The following CBARP variants were observed in gnomAD, a reference collection of about 807,000 sequenced individuals.
CBARP encodes CACN subunit beta associated regulatory protein, also known as voltage-dependent calcium channel beta subunit-associated regulatory protein.
Under a neutral mutation model 36.3 loss-of-function variants are expected in CBARP, and 24 were observed. That is an observed-to-expected ratio of 0.66 (90% CI 0.48 to 0.93). The LOEUF is 0.93. Among genes scored for constraint, CBARP ranks in the 40% least tolerant of loss-of-function variants. The pLI is 0.00. For synonymous variants in CBARP, 586 were observed against 453.2 expected (o/e 1.29, Z -3.72); for missense variants, 1,146 against 980.4 (o/e 1.17, Z -2.26).
chr19:1,230,196 G>T, intron 9 of CBARP, 54 bp from the exon 10 acceptor site: 1 of 995,034 alleles, frequency 1.0e-6, no homozygotes, highest in African/African-American at 1.7e-5. Context: ...CCCCCTACCC[G>T]GCCGGCCATC....
chr19:1,230,438 C>A, intron 9 of CBARP: 2 of 991,730 alleles, frequency 2.0e-6, no homozygotes, highest in Non-Finnish European at 2.4e-6. Context: ...CTCCGGGAGT[C>A]ACGTTTTCCC....
chr19:1,233,694 G>GC, intron 7 of CBARP, 58 bp from the exon 8 acceptor site: 4 of 1,484,878 alleles, frequency 2.7e-6, no homozygotes, highest in Middle Eastern at 4.9e-4. Flanking sequence ...CCGTGTGCTG[G>GC]CCCCAGGTGG....
At chr19:1,230,536 C>A (rs928934597) in intron 9 of CBARP, 5 of 1,049,540 alleles carry the variant, frequency 4.8e-6, no homozygotes, top group Non-Finnish European at 5.7e-6. Flanking sequence ...GGGCTCTCTG[C>A]CCACCCATGC....
At position 1,229,280 on chromosome 19, in the gene CBARP, G is replaced by A; in HGVS notation, c.2017C>T (p.Leu673Phe). Reference protein sequence around the residue: ...GSVLDKLAAGLDERLFPPRLA... With the variant: ...GSVLDKLAAGFDERLFPPRLA... ...CGCGGCGGAAAGAGTCTCTCGTCGA[G>A]GCCAGCCGCCAGCTTGTCCAGCACC... is the stretch of plus-strand genomic sequence containing the variant. Residue 673 changes from leucine to phenylalanine, a missense_variant, in exon 10 of 10, where the codon CTC becomes TTC. Physicochemically the swap from Leu to Phe is conservative, Grantham distance 22. Coordinates refer to ENST00000650044, the MANE Select transcript of CBARP (RefSeq NM_001393918.1). This position sits in a 1 kb window ranked among gnomAD's most constrained non-coding sequence, Gnocchi z 5.1. 1 of 1,256,996 alleles carries A rather than the reference G, an allele frequency of 8.0e-7. No homozygotes were observed. The highest frequency in any genetic ancestry group is 1.6e-5 in the African/African-American group (1 of 61,896). 77.9% of individuals were successfully genotyped at this position (1,256,996 alleles called of 1,614,324 possible).
chr19:1,231,327 C>T (rs776572752), intron 8 of CBARP, 52 bp from the exon 9 acceptor site: 14 of 1,561,116 alleles, frequency 9.0e-6, no homozygotes, highest in Admixed American at 5.1e-5. Flanking sequence ...TCCACCCGCT[C>T]CACACACACA....
Position 1,230,472 on chromosome 19 carries a change from C to T in CBARP, c.1155-330G>A, listed in dbSNP as rs914640353. ...CCAGCCTCCCAGTGGACGTGGGAGC[C>T]GCAGGGGATGGACTGGACGCGGTTG... On this transcript the variant is annotated intron_variant, in intron 9 of 9. Coordinates refer to ENST00000650044, the MANE Select transcript of CBARP (RefSeq NM_001393918.1). The T allele has an allele frequency of 2.6e-5, 26 of 998,666 alleles. No individual in the cohort carries two copies. In the African/African-American group the frequency reaches 4.5e-4, roughly 17 times the overall value. The allele number at this position is 998,666 out of a possible 1,614,324, so 61.9% of individuals were successfully genotyped here.
intron 4 of CBARP, 133 bp from the exon 5 acceptor site, chr19:1,235,278 C>A (rs1356308529): frequency 1.8e-6 from 2 of 1,132,770 alleles, no homozygotes; most frequent in South Asian, 4.1e-5. Flanking sequence ...GCTGGCGGGG[C>A]GAGGGACACT....
At chr19:1,233,712 TCTGAGAGACAGTC>T in intron 7 of CBARP, 76 bp from the exon 8 acceptor site, 1 of 1,383,076 alleles carries the variant, frequency 7.2e-7, no homozygotes, top group Non-Finnish European at 9.8e-7. Context: ...TGGCCGTAGG[TCTGAGAGACAGTC>T]CCAAGGGCCC....
intron 9 of CBARP, 33 bp from the exon 10 acceptor site, chr19:1,230,175 C>G: frequency 2.0e-6 from 2 of 998,074 alleles, no homozygotes; most frequent in Non-Finnish European, 2.4e-6. Context: ...AGAGCCCCGC[C>G]GAGCCCCGCG....
Position 1,236,083 on chromosome 19 carries a change from G to T in CBARP, c.18C>A (p.Thr6=). 1 of 1,488,902 alleles carries T rather than the reference G, an allele frequency of 6.7e-7. No individual in the cohort carries two copies. The allele number at this position is 1,488,902 out of a possible 1,614,324, so 92.2% of individuals were successfully genotyped here. A position where few individuals can be genotyped will look rare whatever the true frequency, so the allele number is the denominator to read the frequency against. The change falls in exon 2 of 10, where the codon ACC becomes ACA. Residue 6 remains threonine, a synonymous_variant. Transcript: ENST00000650044. Reference sequence around the variant, plus strand: ...TGGTGGTGGTGGCGGCTGTGGCCATGGTGGCTGTGGGCTGCATTCTGAACT... The same window carrying T: ...TGGTGGTGGTGGCGGCTGTGGCCATTGTGGCTGTGGGCTGCATTCTGAACT... MQPTA[T]MATAATTTTT...
intron 9 of CBARP, 84 bp downstream of exon 9, chr19:1,231,017 C>G (rs777411929): frequency 2.6e-6 from 4 of 1,548,542 alleles, no homozygotes; most frequent in Admixed American, 3.8e-5. Flanking sequence ...GCCTGGAGAG[C>G]GCTCCCTGGG....
intron 5 of CBARP, 107 bp from the exon 6 acceptor site, chr19:1,234,849 G>C (rs750043244): frequency 1.1e-5 from 16 of 1,512,622 alleles, no homozygotes; most frequent in African/African-American, 1.4e-5. Context: ...CAGGCGAAAG[G>C]GGGGCAACTG....
rs755979102 is a variant in CBARP, at chr19:1,229,137, C to A, written c.*42G>T. ...CTCCCGCCGCCGAGGCCCCGTGCGG[C>A]GCCGGAGAAGCTGCCAGAGAGATGG... On this transcript the variant is annotated 3_prime_UTR_variant, in exon 10 of 10. Transcript: ENST00000650044. This position sits in a 1 kb window ranked among gnomAD's most constrained non-coding sequence, Gnocchi z 5.1. 22 of 891,144 alleles carry A rather than the reference C, an allele frequency of 2.5e-5. No homozygotes were observed. Among genetic ancestry groups the A allele is most frequent in the Non-Finnish European group, 3.0e-5 (22 of 727,240 alleles). The allele number at this position is 891,144 out of a possible 1,614,324, so 55.2% of individuals were successfully genotyped here. A position where few individuals can be genotyped will look rare whatever the true frequency, so the allele number is the denominator to read the frequency against.
chr19:1,230,715 C>G (rs547361500), intron 9 of CBARP: 38 of 1,283,398 alleles, frequency 3.0e-5, no homozygotes, highest in Middle Eastern at 2.9e-4. Flanking sequence ...TGCTGCTGGC[C>G]GGAGTGGTCA....
chr19:1,234,674 G>A lies in CBARP; in HGVS notation c.524C>T (p.Pro175Leu), dbSNP rs1212600758. 1.9e-6 allele frequency: 3 copies of A among 1,612,692 alleles called. No individual in the cohort carries two copies. The highest frequency in any genetic ancestry group is 1.3e-5 in the African/African-American group (1 of 74,888). ...CTCGTGGATGGTGACAATCTTGAGG[G>A]GCGGCAGGTGCAGGTGCGTGAGCCG... Reference protein sequence around the residue: ...NARLTHLHLPPLKIVTIHECD... With the variant: ...NARLTHLHLPLLKIVTIHECD... The change falls in exon 6 of 10, where the codon CCC (proline) becomes CTC (leucine). Residue 175 changes from proline to leucine, a missense_variant. Transcript: ENST00000650044.
chr19:1,236,545 TACCCCCACCCCA>T (rs2080976422), intron 1 of CBARP, among the ~76,000 whole-genome samples: 1 of 151,620 alleles, frequency 6.6e-6, no homozygotes, highest in African/African-American at 2.4e-5. Flanking sequence ...GGTGGGGGGC[TACCCCCACCCCA>T]AGAAGTTCAG....
chr19:1,229,573 G>A lies in CBARP; in HGVS notation c.1724C>T (p.Pro575Leu). Residue 575 changes from proline to leucine, a missense_variant, in exon 10 of 10, where the codon CCG becomes CTG. Pro to Leu is a moderately conservative substitution (Grantham distance 98, BLOSUM62 -3). Coordinates refer to ENST00000650044, the MANE Select transcript of CBARP (RefSeq NM_001393918.1). This position sits in a 1 kb window ranked among gnomAD's most constrained non-coding sequence, Gnocchi z 5.1. ...ACGCTGCCACTGTTTGCGGGCGTGC[G>A]GGTGCGCGCGGGCGCGGTGTCGCGC... ...AAARHRARAH[P>L]HARKQWQRGR... 1 of 1,119,848 alleles carries A rather than the reference G, an allele frequency of 8.9e-7. No homozygotes were observed. 69.4% of individuals were successfully genotyped at this position (1,119,848 alleles called of 1,614,324 possible).
chr19:1,232,108 C>T (rs78584948), intron 8 of CBARP, among the ~76,000 whole-genome samples: 20 of 152,102 alleles, frequency 1.3e-4, no homozygotes, highest in Non-Finnish European at 2.8e-4. Flanking sequence ...TGCCTCGGCC[C>T]CCTTCTCCCA....
At chr19:1,236,334 G>T (rs2080972997) in intron 1 of CBARP, among the ~76,000 whole-genome samples, 1 of 152,220 alleles carries the variant, frequency 6.6e-6, no homozygotes, top group Non-Finnish European at 1.5e-5. Context: ...CCATCCCCAT[G>T]GCGGGGGAGG....
Sources: allele counts gnomAD v4.1 joint callset (sites outside exome capture counted in the v4.1 genomes callset), GRCh38; gene constraint gnomAD v4.1.1; non-coding constraint Gnocchi (gnomAD v3.1); transcripts MANE v1.5; gene names NCBI Gene and HGNC (gene_info 2026-07-23, HGNC 2026-07-21).